TSEN15: variants seen among roughly 807,000 people sequenced by gnomAD.
TSEN15 encodes the protein tRNA-splicing endonuclease subunit Sen15.
Under a neutral mutation model 20.5 loss-of-function variants are expected in TSEN15, and 10 were observed. The observed-to-expected ratio is 0.49, with a 90% CI of 0.30 to 0.83. TSEN15 has a LOEUF of 0.83. Ranked by LOEUF, TSEN15 falls within the 40% of genes least tolerant of loss-of-function variation. The pLI is 0.06. For synonymous variants in TSEN15, 72 were observed against 80.1 expected, an observed-to-expected ratio of 0.90 and a Z score of 0.54; for missense variants, 180 against 218.6, an observed-to-expected ratio of 0.82 and a Z score of 1.11.
chr1:184,054,265 T>C, intron 1 of TSEN15, 89 bp from the exon 2 acceptor site: 1 of 780,436 alleles, frequency 1.3e-6, no homozygotes, highest in Non-Finnish European at 2.0e-6. Context: ...ATTTTATAGA[T>C]TATATATGCT....
chr1:184,071,945 C>A (rs978694618), intron 3 of TSEN15: 7 of 452,108 alleles, frequency 1.5e-5, no homozygotes, highest in Non-Finnish European at 2.7e-5. Flanking sequence ...ATTCTCTTTC[C>A]TTTCCTTCTG....
intron 3 of TSEN15, among the ~76,000 whole-genome samples, chr1:184,082,253 A>C (rs570312213): frequency 6.6e-6 from 1 of 152,166 alleles, no homozygotes; most frequent in Non-Finnish European, 1.5e-5. Flanking sequence ...ATTGGGCATC[A>C]TCCTGCAGTG....
At chr1:184,070,683 A>G in intron 3 of TSEN15, 1 of 1,288,734 alleles carries the variant, frequency 7.8e-7, no homozygotes, top group South Asian at 1.3e-5. Flanking sequence ...TTGAAGAAGC[A>G]ATTGTGATAT....
downstream of TSEN15, among the ~76,000 whole-genome samples, chr1:184,076,469 A>G (rs1387475266): frequency 6.6e-6 from 1 of 152,134 alleles, no homozygotes; most frequent in Admixed American, 6.6e-5. Context: ...TCCCTGAGAA[A>G]CAGCAATATT....
chr1:184,089,646 A>G (rs1651323386), intron 3 of TSEN15, among the ~76,000 whole-genome samples: 2 of 152,232 alleles, frequency 1.3e-5, no homozygotes, highest in South Asian at 4.2e-4. Flanking sequence ...TAATAAATGA[A>G]ATATCAAAAT....
At chr1:184,096,545 G>A (rs559158395) in exon 4 of TSEN15, 1 of 152,276 alleles carries the variant, frequency 6.6e-6, no homozygotes, top group South Asian at 2.1e-4. Context: ...TCAGGAAGAG[G>A]GACCTCTCAA....
At chr1:184,089,394 A>G (rs1041514053) in intron 3 of TSEN15, among the ~76,000 whole-genome samples, 1 of 152,122 alleles carries the variant, frequency 6.6e-6, no homozygotes, top group Non-Finnish European at 1.5e-5. Flanking sequence ...TTGTTGGCTA[A>G]TCCCACTTCT....
At chr1:184,094,220 A>G (rs1482544469) in intron 3 of TSEN15, 1 of 152,268 alleles carries the variant, frequency 6.6e-6, no homozygotes, top group Non-Finnish European at 1.5e-5. Flanking sequence ...TTAAATCACC[A>G]CATAGCTCAT....
At chr1:184,070,624 G>C in intron 3 of TSEN15, 1 of 1,275,880 alleles carries the variant, frequency 7.8e-7, no homozygotes, top group Middle Eastern at 2.2e-4. Flanking sequence ...AGATATTGGC[G>C]TGCCACTTTT....
intron 3 of TSEN15, 54 bp from the exon 4 acceptor site, chr1:184,072,103 T>G: frequency 6.4e-7 from 1 of 1,569,274 alleles, no homozygotes; most frequent in Non-Finnish European, 8.7e-7. Context: ...TTCTGTCACA[T>G]CTCATCTAAT....
intron 3 of TSEN15, among the ~76,000 whole-genome samples, chr1:184,063,800 A>T (rs549181647): frequency 6.6e-6 from 1 of 152,068 alleles, no homozygotes; most frequent in Non-Finnish European, 1.5e-5. Context: ...TTGTGTTTTC[A>T]TGGGGAGAAG....
chr1:184,055,064 T>C (rs1195336514), intron 3 of TSEN15: 1 of 404,606 alleles, frequency 2.5e-6, no homozygotes, highest in Non-Finnish European at 3.7e-6. Context: ...GACTGAGTAA[T>C]TTCTTAAAAA....
At chr1:184,088,869 C>T (rs1048440636) in intron 3 of TSEN15, among the ~76,000 whole-genome samples, 3 of 151,804 alleles carry the variant, frequency 2.0e-5, no homozygotes, top group Admixed American at 6.6e-5. Flanking sequence ...CCCTCTTTTA[C>T]GCACCTAAAG....
downstream of TSEN15, among the ~76,000 whole-genome samples, chr1:184,075,910 A>ATATATATTTT (rs760409158): frequency 8.1e-6 from 1 of 123,738 alleles, no homozygotes; most frequent in African/African-American, 2.8e-5. Context: ...ATATATATAT[A>ATATATATTTT]TTTTTTTTTT....
chr1:184,072,672 C>G (rs1000018781), intron 4 of TSEN15, 155 bp from the exon 5 acceptor site: 76 of 683,638 alleles, frequency 1.1e-4, no homozygotes, highest in Non-Finnish European at 1.7e-4. Flanking sequence ...GACATTTTGA[C>G]AGGAACATTT....
chr1:184,055,050 C>A, intron 3 of TSEN15, 187 bp downstream of exon 3: 1 of 552,576 alleles, frequency 1.8e-6, no homozygotes, highest in East Asian at 3.0e-5. Flanking sequence ...AAAGAAATAC[C>A]TGAGACTGAG....
chr1:184,078,480 G>A (rs1651104422), downstream of TSEN15, among the ~76,000 whole-genome samples: 2 of 152,174 alleles, frequency 1.3e-5, no homozygotes, highest in South Asian at 2.1e-4. Flanking sequence ...TCTTTAGCTG[G>A]GGCATGAAAG....
At chr1:184,095,487 G>C (rs1166484522) in intron 3 of TSEN15, 1 of 389,268 alleles carries the variant, frequency 2.6e-6, no homozygotes, top group African/African-American at 2.1e-5. Context: ...CTAATCTCCA[G>C]TGTGATTGTT....
chr1:184,065,050 A>G (rs1040969344), intron 3 of TSEN15, among the ~76,000 whole-genome samples: 3 of 152,182 alleles, frequency 2.0e-5, no homozygotes, highest in African/African-American at 7.2e-5. Flanking sequence ...GGCATCTCAA[A>G]TTAGCATGTC....
Sources: allele counts gnomAD v4.1 joint callset (sites outside exome capture counted in the v4.1 genomes callset), GRCh38; gene constraint gnomAD v4.1.1; transcripts MANE v1.5; gene names NCBI Gene and HGNC (gene_info 2026-07-23, HGNC 2026-07-21).